The following CENPF variants were observed in gnomAD, a reference collection of about 807,000 sequenced individuals.
CENPF encodes AH antigen.
Under a neutral mutation model 307.3 loss-of-function variants are expected in CENPF, and 214 were observed. That is an observed-to-expected ratio of 0.70 (90% CI 0.62 to 0.78). The LOEUF is 0.78. Among genes scored for constraint, CENPF ranks in the 30% least tolerant of loss-of-function variants. CENPF has a pLI of 0.00. For synonymous variants in CENPF, 1,259 were observed against 1,270.6 expected, an observed-to-expected ratio of 0.99 and a Z score of 0.19; for missense variants, 3,401 against 3,483.9, an observed-to-expected ratio of 0.98 and a Z score of 0.60.
chr1:214,613,791 C>A lies in CENPF; in HGVS notation c.37C>A (p.Pro13Thr). The change falls in exon 2 of 20, where the codon CCT becomes ACT. Residue 13 changes from proline to threonine, a missense_variant. Pro to Thr is a conservative substitution (Grantham distance 38). Coordinates refer to ENST00000366955, the MANE Select transcript of CENPF (RefSeq NM_016343.4). ...TTTGGAAGAATGGAAAGAAGGGCTGCCTACAAGAGCTCTTCAGAAAATTCA... is the reference window on the plus strand; with the variant it reads ...TTTGGAAGAATGGAAAGAAGGGCTGACTACAAGAGCTCTTCAGAAAATTCA... ...WALEEWKEGL[P>T]TRALQKIQEL... 6.2e-7 allele frequency: 1 copy of A among 1,611,694 alleles called. No individual in the cohort carries two copies. The highest frequency in any genetic ancestry group is 8.5e-7 in the Non-Finnish European group (1 of 1,179,192).
In CENPF at chr1:214,641,665, T is replaced by C; in HGVS notation, c.3327T>C (p.Ala1109=). ...TAGAGTTGGAGACAGTGCAGCAAGCTCTGAGATCTGAGATGACAGATAACC... is the reference window on the plus strand; with the variant it reads ...TAGAGTTGGAGACAGTGCAGCAAGCCCTGAGATCTGAGATGACAGATAACC... ...LMLELETVQQ[A]LRSEMTDNQN... Residue 1109 remains alanine, a synonymous_variant, in exon 12 of 20, where the codon GCT becomes GCC. Coordinates refer to ENST00000366955, the MANE Select transcript of CENPF (RefSeq NM_016343.4). The C allele has an allele frequency of 1.3e-6, 2 of 1,580,222 alleles. No homozygotes were observed. The highest frequency in any genetic ancestry group is 1.7e-6 in the Non-Finnish European group (2 of 1,166,120).
chr1:214,606,722 C>T (rs1417488449), intron 1 of CENPF, among the ~76,000 whole-genome samples: 7 of 152,128 alleles, frequency 4.6e-5, no homozygotes, highest in South Asian at 2.1e-4. Context: ...AGTCCTCGGC[C>T]ACCTCAGCAT....
At chr1:214,631,257 C>T (rs1342881617) in intron 9 of CENPF, among the ~76,000 whole-genome samples, 1 of 152,178 alleles carries the variant, frequency 6.6e-6, no homozygotes, top group Non-Finnish European at 1.5e-5. Flanking sequence ...ATTGCTGGGA[C>T]CAAAACCTCC....
At chr1:214,620,172 T>G (rs1025599078) in intron 5 of CENPF, among the ~76,000 whole-genome samples, 4 of 152,216 alleles carry the variant, frequency 2.6e-5, no homozygotes, top group African/African-American at 9.6e-5. Context: ...AAATGTATAT[T>G]ATATACTATT....
At chr1:214,609,309 T>TA (rs1221386030) in intron 1 of CENPF, among the ~76,000 whole-genome samples, 1 of 152,206 alleles carries the variant, frequency 6.6e-6, no homozygotes, top group African/African-American at 2.4e-5. Flanking sequence ...CTAGTACTAA[T>TA]ACGGCATTCA....
intron 1 of CENPF, among the ~76,000 whole-genome samples, chr1:214,607,749 C>A (rs1426972379): frequency 6.6e-6 from 1 of 152,170 alleles, no homozygotes; most frequent in African/African-American, 2.4e-5. Context: ...CCCAGGCAAG[C>A]GCAGGGCTGG....
intron 1 of CENPF, chr1:214,605,435 C>T (rs1483553622): frequency 7.9e-6 from 4 of 506,316 alleles, no homozygotes; most frequent in African/African-American, 7.7e-5. Flanking sequence ...TAGAAGAATC[C>T]GCTTTGTTTT....
At chr1:214,643,420 T>C (rs985003460) in intron 12 of CENPF, 96 bp downstream of exon 12, 4 of 1,124,584 alleles carry the variant, frequency 3.6e-6, no homozygotes, top group Non-Finnish European at 3.5e-6. Context: ...TAAACCTAAG[T>C]TAAAATATTT....
At chr1:214,623,104 G>A (rs1369503339) in intron 7 of CENPF, among the ~76,000 whole-genome samples, 3 of 152,022 alleles carry the variant, frequency 2.0e-5, no homozygotes, top group Admixed American at 6.6e-5. Context: ...CCAGCTACTC[G>A]GGAGTCTGAG....
rs529562485 is a variant in CENPF at position 214,612,117 on chromosome 1, A to G, written c.-41-1597A>G. Reference sequence around the variant, plus strand: ...GTATGATGTTGGCTGTGGGTTTGTCATAGATGGCTCTTATTATTTTGAGGT... The same window carrying G: ...GTATGATGTTGGCTGTGGGTTTGTCGTAGATGGCTCTTATTATTTTGAGGT... On this transcript the variant is annotated intron_variant, in intron 1 of 19. Coordinates refer to ENST00000366955, the MANE Select transcript of CENPF (RefSeq NM_016343.4). 4.9e-4 allele frequency among the ~76,000 whole-genome samples: 75 copies of G among 152,304 alleles called. 2 individuals carry two copies. Among genetic ancestry groups the G allele is most frequent in the South Asian group, 1.2e-3 (6 of 4,828 alleles).
Position 214,645,826 on chromosome 1 carries a change from A to G in CENPF, c.6256A>G (p.Lys2086Glu), listed in dbSNP as rs1658279618. 1 of 1,614,084 alleles carries G rather than the reference A, an allele frequency of 6.2e-7. No homozygotes were observed. Among genetic ancestry groups the G allele is most frequent in the Non-Finnish European group, 8.5e-7 (1 of 1,180,044 alleles). The change falls in exon 13 of 20, where the codon AAG becomes GAG. Residue 2086 changes from lysine (K) to glutamate (E), a missense_variant. By Grantham distance (56) the Lys-to-Glu change is moderately conservative (BLOSUM62 1). Transcript: ENST00000366955. ...QARLSESDYE[K>E]LNVSKALEAA... ...CAGACTGAGTGAATCAGATTATGAA[A>G]AGCTGAATGTCTCCAAGGCCTTGGA...
intron 10 of CENPF, among the ~76,000 whole-genome samples, chr1:214,635,631 T>A (rs1571710878): frequency 1.3e-5 from 2 of 152,226 alleles, no homozygotes; most frequent in South Asian, 4.1e-4. Context: ...ATTTTCTAAA[T>A]TCTGGCCTTT....
At chr1:214,643,361 A>G in intron 12 of CENPF, 37 bp downstream of exon 12, 1 of 1,449,464 alleles carries the variant, frequency 6.9e-7, no homozygotes, top group Non-Finnish European at 9.1e-7. Context: ...TTCTCGGTTT[A>G]CATGACTAGT....
rs145854163 is a variant in CENPF, at chr1:214,641,962, G to A, written c.3624G>A (p.Ala1208=). Residue 1208 remains alanine (A), a synonymous_variant, in exon 12 of 20, where the codon GCG becomes GCA. Coordinates refer to ENST00000366955, the MANE Select transcript of CENPF (RefSeq NM_016343.4). ...AAATTTCTCTAGATAGTTATAATGC[G>A]CAGTTGGTGCAATTAGAAGCTATGC... ...VKEISLDSYN[A]QLVQLEAMLR... The A allele has an allele frequency of 1.0e-5, 16 of 1,600,100 alleles. No homozygotes were observed. Among genetic ancestry groups the A allele is most frequent in the East Asian group, 6.7e-5 (3 of 44,838 alleles).
Position 214,627,218 on chromosome 1 carries a change from C to A in CENPF, c.1069-1828C>A, listed in dbSNP as rs187370845. 1.4e-3 allele frequency among the ~76,000 whole-genome samples: 219 copies of A among 152,126 alleles called. 3 individuals carry two copies. Among genetic ancestry groups the A allele is most frequent in the East Asian group, 3.7e-3 (19 of 5,168 alleles). Reference sequence around the variant, plus strand: ...GAGGCTATAGGCGCCCACCACCACACCTGGCTAATTTTTGTATTTTTAGCA... The same window carrying A: ...GAGGCTATAGGCGCCCACCACCACAACTGGCTAATTTTTGTATTTTTAGCA... On this transcript the variant is annotated intron_variant, in intron 7 of 19. Transcript: ENST00000366955.
intron 7 of CENPF, among the ~76,000 whole-genome samples, chr1:214,625,143 A>G (rs74739429): frequency 0.011 from 1,695 of 151,676 alleles, 44 homozygotes; most frequent in African/African-American, 0.039. Context: ...CTTTCAACCT[A>G]TTTTGTTATA....
At chr1:214,629,220 G>T in intron 8 of CENPF, 49 bp downstream of exon 8, 1 of 1,490,798 alleles carries the variant, frequency 6.7e-7, no homozygotes, top group South Asian at 1.4e-5. Context: ...CTTTTTATGG[G>T]CTTTTCATAG....
intron 18 of CENPF, 147 bp downstream of exon 18, chr1:214,657,556 G>A (rs868357362): frequency 1.6e-6 from 1 of 627,244 alleles, no homozygotes; most frequent in Middle Eastern, 3.9e-4. Context: ...GCTTTTAAAT[G>A]GATGAGGCAT....
At chr1:214,655,210 G>A (rs1174403365) in intron 16 of CENPF, 31 bp from the exon 17 acceptor site, 1 of 1,426,076 alleles carries the variant, frequency 7.0e-7, no homozygotes, top group South Asian at 1.5e-5. Context: ...AGAAATTCAA[G>A]GTTTTAAATG....
Sources: gnomAD v4.1 joint callset for allele counts (sites outside exome capture counted in the v4.1 genomes callset) on GRCh38, gnomAD v4.1.1 for gene constraint, MANE v1.5 for transcripts, NCBI Gene and HGNC (gene_info 2026-07-23, HGNC 2026-07-21) for gene names.